Variants in YEATS2 observed in about 807,000 individuals in gnomAD.
YEATS2 encodes YEATS domain-containing protein 2.
In YEATS2, 77 loss-of-function variants were observed where a neutral mutation model predicts 163.2. The observed-to-expected ratio is 0.47, with a 90% CI of 0.39 to 0.57. The LOEUF (loss-of-function observed/expected upper bound fraction) is 0.57, where lower values mean the gene tolerates loss of function less well. Among genes scored for constraint, YEATS2 ranks in the 20% least tolerant of loss-of-function variants. YEATS2 has a pLI of 0.00. For synonymous variants in YEATS2, 631 were observed against 645.1 expected (o/e 0.98, Z 0.33); for missense variants, 1,549 against 1,729.8 (o/e 0.90, Z 1.85).
intron 19 of YEATS2, among the ~76,000 whole-genome samples, chr3:183,784,230 T>C (rs1723841610): frequency 6.6e-6 from 1 of 152,232 alleles, no homozygotes; most frequent in East Asian, 1.9e-4. Context: ...CCTTCCACGG[T>C]GGCTGACCTA....
chr3:183,806,700 G>A, intron 27 of YEATS2, 166 bp from the exon 28 acceptor site: 1 of 665,114 alleles, frequency 1.5e-6, no homozygotes, highest in Non-Finnish European at 2.5e-6. Context: ...TCTCCCTCGT[G>A]AATTACTAGT....
chr3:183,729,204 G>A (rs752292647), intron 7 of YEATS2, among the ~76,000 whole-genome samples: 252 of 151,740 alleles, frequency 1.7e-3, no homozygotes, highest in Non-Finnish European at 9.7e-4. Flanking sequence ...CCAGGGAGGC[G>A]GAGCTTGCAG....
At chr3:183,716,872 T>A (rs1414919976) in intron 2 of YEATS2, among the ~76,000 whole-genome samples, 1 of 151,974 alleles carries the variant, frequency 6.6e-6, no homozygotes, top group Non-Finnish European at 1.5e-5. Flanking sequence ...TTTGGTGGGA[T>A]GCTTCTCTTT....
rs1577151385 is a variant in YEATS2, at chr3:183,769,444, C to T, written c.1948-2861C>T. ...GTTGAAGTGTTGTGATGAGCAGCAA[C>T]AGCTGTCATGTTAGCTAGGCATCCT... On this transcript the variant is annotated intron_variant, in intron 15 of 30. Coordinates refer to ENST00000305135, the MANE Select transcript of YEATS2 (RefSeq NM_018023.5). Among the ~76,000 whole-genome samples the T allele has an allele frequency of 2.0e-5, 3 of 152,340 alleles. No individual in the cohort carries two copies. The South Asian group carries it at 6.2e-4, about 32-fold the overall frequency.
chr3:183,781,254 G>T (rs1487714373), intron 19 of YEATS2, among the ~76,000 whole-genome samples: 1 of 152,148 alleles, frequency 6.6e-6, no homozygotes, highest in Non-Finnish European at 1.5e-5. Flanking sequence ...AAAGGCCTGC[G>T]AACTGGTGGG....
intron 8 of YEATS2, among the ~76,000 whole-genome samples, chr3:183,743,647 A>G (rs1259806701): frequency 6.6e-6 from 1 of 151,860 alleles, no homozygotes; most frequent in Non-Finnish European, 1.5e-5. Flanking sequence ...TGCCTGGCCC[A>G]TATTCAATTT....
At chr3:183,705,111 C>T (rs1320988118) in intron 1 of YEATS2, among the ~76,000 whole-genome samples, 2 of 152,098 alleles carry the variant, frequency 1.3e-5, no homozygotes, top group Non-Finnish European at 2.9e-5. Flanking sequence ...TGCAACGGCG[C>T]GATCTCAGCT....
intron 29 of YEATS2, 100 bp from the exon 30 acceptor site, chr3:183,808,997 A>G (rs1194927393): frequency 1.7e-6 from 2 of 1,173,318 alleles, no homozygotes; most frequent in Non-Finnish European, 2.5e-6. Context: ...CCCTAGTTGC[A>G]GTGGTTTCAA....
At chr3:183,742,131 A>G (rs992479905) in intron 8 of YEATS2, among the ~76,000 whole-genome samples, 3 of 152,010 alleles carry the variant, frequency 2.0e-5, no homozygotes, top group Non-Finnish European at 4.4e-5. Flanking sequence ...AATCAGCTTC[A>G]TGGTCCCAGG....
chr3:183,766,759 C>G (rs928277628), intron 15 of YEATS2, among the ~76,000 whole-genome samples: 5 of 152,134 alleles, frequency 3.3e-5, no homozygotes, highest in Non-Finnish European at 7.3e-5. Context: ...GTCTCAGCCT[C>G]CCTGGGCTCC....
chr3:183,756,409 ATTTTCCCAATTTG>A, intron 11 of YEATS2, 106 bp from the exon 12 acceptor site: 1 of 954,012 alleles, frequency 1.0e-6, no homozygotes, highest in Non-Finnish European at 1.5e-6. Context: ...TATCCATTTT[ATTTTCCCAATTTG>A]TTACCTTTGT....
intron 6 of YEATS2, among the ~76,000 whole-genome samples, chr3:183,726,198 T>C (rs1024364108): frequency 6.6e-6 from 1 of 152,136 alleles, no homozygotes; most frequent in Non-Finnish European, 1.5e-5. Context: ...TTGGTAAAAA[T>C]TTCTAAGACA....
At position 183,801,518 on chromosome 3, in the gene YEATS2, C is replaced by G; in HGVS notation, c.3492C>G (p.Ile1164Met). Residue 1164 changes from isoleucine (I) to methionine (M), a missense_variant, in exon 25 of 31, where the codon ATC (isoleucine) becomes ATG (methionine). Physicochemically the swap from Ile to Met is conservative, Grantham distance 10 (BLOSUM62 1). Coordinates refer to ENST00000305135, the MANE Select transcript of YEATS2 (RefSeq NM_018023.5). ...LTAVVKKIPLITAKSEDASCF... is the reference protein window; with the variant it reads ...LTAVVKKIPLMTAKSEDASCF... ...CAGTAGTAAAGAAGATTCCATTAAT[C>G]ACTGCAAAAAGTAAGACAATTACAC... 2 of 1,609,114 alleles carry G rather than the reference C, an allele frequency of 1.2e-6. No individual in the cohort carries two copies. The highest frequency in any genetic ancestry group is 1.7e-6 in the Non-Finnish European group (2 of 1,177,414).
chr3:183,793,330 A>G, intron 21 of YEATS2: 4 of 1,090,788 alleles, frequency 3.7e-6, no homozygotes, highest in Non-Finnish European at 4.5e-6. Context: ...ACAAAAAATT[A>G]AGGCTGATTA....
intron 23 of YEATS2, 51 bp from the exon 24 acceptor site, chr3:183,800,415 C>A: frequency 7.2e-7 from 1 of 1,386,434 alleles, no homozygotes; most frequent in Non-Finnish European, 1.0e-6. Context: ...TGCACGTGTC[C>A]TTCCACCACT....
In YEATS2 at chr3:183,718,553, A is replaced by G. The variant is rs1424134175; in HGVS notation, c.252A>G (p.Ala84=). ...ATAAACTGCGTGCCTGCATTGTAGC[A>G]AACTACTATGCTTCTGCAGGTCTTC... The part of the protein sequence containing the change: ...MMDKLRACIV[A]NYYASAGLLK... The change falls in exon 4 of 31, where the codon GCA becomes GCG. Residue 84 remains alanine (A), a synonymous_variant. Transcript: ENST00000305135. 6.2e-7 allele frequency: 1 copy of G among 1,613,644 alleles called. No homozygotes were observed. The highest frequency in any genetic ancestry group is 8.5e-7 in the Non-Finnish European group (1 of 1,179,920).
chr3:183,775,755 C>G (rs541897588), intron 17 of YEATS2, among the ~76,000 whole-genome samples, 160 bp from the exon 18 acceptor site: 71 of 152,280 alleles, frequency 4.7e-4, no homozygotes, highest in Middle Eastern at 6.8e-3. Context: ...TCTCCTCACT[C>G]TTGTCACAGG....
intron 6 of YEATS2, among the ~76,000 whole-genome samples, chr3:183,726,035 G>A (rs999187776): frequency 1.3e-5 from 2 of 151,844 alleles, no homozygotes; most frequent in South Asian, 2.1e-4. Flanking sequence ...ATACTTGGGC[G>A]TAATACTCTT....
At chr3:183,719,403 C>T (rs1023175116) in intron 4 of YEATS2, among the ~76,000 whole-genome samples, 1 of 152,180 alleles carries the variant, frequency 6.6e-6, no homozygotes, top group Admixed American at 6.5e-5. Context: ...TCCCAAAGTG[C>T]TGGGATTACA....
Sources: gnomAD v4.1 joint callset for allele counts (sites outside exome capture counted in the v4.1 genomes callset) on GRCh38, gnomAD v4.1.1 for gene constraint, MANE v1.5 for transcripts, NCBI Gene and HGNC (gene_info 2026-07-23, HGNC 2026-07-21) for gene names.